The following EDRF1 variants were observed in gnomAD, a reference collection of about 807,000 sequenced individuals.
EDRF1 encodes the protein erythroid differentiation regulatory factor 1.
Under a neutral mutation model 148.7 loss-of-function variants are expected in EDRF1, and 69 were observed. The ratio of observed to expected loss-of-function variants is 0.46; its 90% CI spans 0.38 to 0.57. The LOEUF (loss-of-function observed/expected upper bound fraction) is 0.57, where lower values mean the gene tolerates loss of function less well. Ranked by LOEUF, EDRF1 falls within the 20% of genes least tolerant of loss-of-function variation. EDRF1 has a pLI of 0.00. For missense variants in EDRF1, 1,118 were observed against 1,478.7 expected (o/e 0.76, Z 4.00); for synonymous variants, 515 against 532.8 (o/e 0.97, Z 0.46).
rs976118780 is a variant in EDRF1 at position 125,749,416 on chromosome 10, G to A, written c.3128G>A (p.Gly1043Asp). 3.1e-6 allele frequency: 5 copies of A among 1,614,184 alleles called. No individual in the cohort carries two copies. Among genetic ancestry groups the A allele is most frequent in the Non-Finnish European group, 4.2e-6 (5 of 1,180,028 alleles). ...MYHSCLRNQVGDEHLRKQHRV... is the reference protein window; with the variant it reads ...MYHSCLRNQVDDEHLRKQHRV... ...CTTGTTTTGGTTTGGTTCTAGGTTG[G>A]TGATGAACACCTTAGGAAACAACAC... is the stretch of plus-strand genomic sequence containing the variant. Residue 1043 changes from glycine (G) to aspartate (D), a missense_variant, in exon 22 of 25, where the codon GGT becomes GAT. This residue lies in a region of EDRF1 where 954 missense variants were observed against 1,241.4 expected (regional missense o/e 0.77). Transcript: ENST00000356792.
At position 125,719,761 on chromosome 10, in the gene EDRF1, G is replaced by T; in HGVS notation, c.-47G>T. On this transcript the variant is annotated 5_prime_UTR_variant, in exon 1 of 25. Coordinates refer to ENST00000356792, the MANE Select transcript of EDRF1 (RefSeq NM_001202438.2). Reference sequence around the variant, plus strand: ...CCTGCTTTGGGCCTGCGTTGCTGCTGCTGCTCCTCCGCTCCCCCGTCGTAT... The same window carrying T: ...CCTGCTTTGGGCCTGCGTTGCTGCTTCTGCTCCTCCGCTCCCCCGTCGTAT... 1 of 1,513,662 alleles carries T rather than the reference G, an allele frequency of 6.6e-7. No individual in the cohort carries two copies. Among genetic ancestry groups the T allele is most frequent in the Non-Finnish European group, 9.0e-7 (1 of 1,107,240 alleles). The allele number at this position is 1,513,662 out of a possible 1,614,324, so 93.8% of individuals were successfully genotyped here. A position where few individuals can be genotyped will look rare whatever the true frequency, so the allele number is the denominator to read the frequency against.
In EDRF1 at chr10:125,749,487, C is replaced by G. The variant is rs749051384; in HGVS notation, c.3199C>G (p.Gln1067Glu). ...TTACAGCAAGGCCGCAAAGCTGTTT[C>G]AGCTGCTGAAAGATGCTCCCTGCGA... is the stretch of plus-strand genomic sequence containing the variant. ...LHYSKAAKLF[Q>E]LLKDAPCELL... is the part of the protein sequence containing the mutation. Residue 1067 changes from glutamine to glutamate, a missense_variant, in exon 22 of 25, where the codon CAG becomes GAG. Physicochemically the swap from Gln to Glu is conservative, Grantham distance 29 (BLOSUM62 2). Around this residue, in one of 3 missense-constraint regions of EDRF1, gnomAD observed 954 missense variants for 1,241.4 expected, o/e 0.77. Transcript: ENST00000356792. 6 of 1,614,180 alleles carry G rather than the reference C, an allele frequency of 3.7e-6. No homozygotes were observed. The highest frequency in any genetic ancestry group is 5.1e-6 in the Non-Finnish European group (6 of 1,180,034).
chr10:125,743,690 A>G (rs10901421), intron 18 of EDRF1, among the ~76,000 whole-genome samples: 94,585 of 152,036 alleles, frequency 0.62, 32,192 homozygotes, highest in East Asian at 0.79. Context: ...TATGGAGGTT[A>G]TAAGTTAGAA....
At chr10:125,720,478 T>G (rs1847929298) in intron 1 of EDRF1, among the ~76,000 whole-genome samples, 1 of 152,218 alleles carries the variant, frequency 6.6e-6, no homozygotes, top group African/African-American at 2.4e-5. Flanking sequence ...CCAAATGTTC[T>G]ACCAGACTAT....
In EDRF1 at chr10:125,729,384, T is replaced by C. The variant is rs1564734255; in HGVS notation, c.921T>C (p.Asn307=). ...GTCTTAAAAATGATTTTGTTCGGAA[T>C]ATTCTATGGACATTTGAAGATATCC... The part of the protein sequence containing the change: ...SQGLKNDFVR[N]ILWTFEDIHM... The change falls in exon 8 of 25, where the codon AAT becomes AAC. Residue 307 remains asparagine (N), a synonymous_variant. Coordinates refer to ENST00000356792, the MANE Select transcript of EDRF1 (RefSeq NM_001202438.2). 6.2e-7 allele frequency: 1 copy of C among 1,613,524 alleles called. No homozygotes were observed. Among genetic ancestry groups the C allele is most frequent in the Admixed American group, 1.7e-5 (1 of 60,008 alleles).
intron 15 of EDRF1, among the ~76,000 whole-genome samples, chr10:125,739,020 A>G (rs1021242265): frequency 6.6e-6 from 1 of 152,176 alleles, no homozygotes; most frequent in African/African-American, 2.4e-5. Context: ...TGAAGAATAT[A>G]TGGACTTCGA....
chr10:125,740,438 CT>C (rs761068303), intron 15 of EDRF1, 24 bp from the exon 16 acceptor site: 34 of 1,596,364 alleles, frequency 2.1e-5, no homozygotes, highest in Non-Finnish European at 2.5e-5. Flanking sequence ...AATGTGCTGT[CT>C]TTTTTTTTCT....
At chr10:125,722,290 A>G (rs1848045306) in intron 2 of EDRF1, among the ~76,000 whole-genome samples, 1 of 152,250 alleles carries the variant, frequency 6.6e-6, no homozygotes, top group Non-Finnish European at 1.5e-5. Flanking sequence ...AAGTATTTAT[A>G]TGCTTATCTC....
intron 24 of EDRF1, among the ~76,000 whole-genome samples, chr10:125,754,596 C>T (rs898033702): frequency 3.3e-5 from 5 of 152,214 alleles, no homozygotes; most frequent in Admixed American, 3.3e-4. Context: ...CACACCTCCG[C>T]AGAAATGTTC....
At chr10:125,745,010 A>T (rs1849268005) in intron 18 of EDRF1, 1 of 153,350 alleles carries the variant, frequency 6.5e-6, no homozygotes, top group Non-Finnish European at 1.5e-5. Flanking sequence ...GGTTACTTGT[A>T]CAAAAGCACA....
chr10:125,740,406 C>T, intron 15 of EDRF1, 57 bp from the exon 16 acceptor site: 1 of 1,559,630 alleles, frequency 6.4e-7, no homozygotes, highest in Middle Eastern at 1.7e-4. Context: ...ATTTTTTGTG[C>T]ATGAGACTTA....
In EDRF1 at chr10:125,749,563, C is replaced by T. The variant is rs377440456; in HGVS notation, c.3275C>T (p.Thr1092Ile). 1.2e-6 allele frequency: 2 copies of T among 1,613,938 alleles called. No individual in the cohort carries two copies. Among genetic ancestry groups the T allele is most frequent in the Non-Finnish European group, 1.7e-6 (2 of 1,180,006 alleles). ...ERVAFAEFQMTSQNSNVGKLK... is the reference protein window; with the variant it reads ...ERVAFAEFQMISQNSNVGKLK... ...GTAGCATTTGCTGAATTTCAGATGA[C>T]CAGTAAGTCTTAATTTTCATTTCTC... is the stretch of plus-strand genomic sequence containing the variant. Residue 1092 changes from threonine to isoleucine, a missense_variant and splice_region_variant, in exon 22 of 25, where the codon ACC (threonine) becomes ATC (isoleucine). Physicochemically the swap from Thr to Ile is moderately conservative, Grantham distance 89. This residue lies in a region of EDRF1 where 954 missense variants were observed against 1,241.4 expected (regional missense o/e 0.77). Transcript: ENST00000356792.
At chr10:125,756,600 GT>G (rs1849909871) in intron 24 of EDRF1, among the ~76,000 whole-genome samples, 1 of 152,116 alleles carries the variant, frequency 6.6e-6, no homozygotes, top group Admixed American at 6.5e-5. Context: ...TGTTTCATGT[GT>G]TTTTGAAGCT....
intron 2 of EDRF1, among the ~76,000 whole-genome samples, chr10:125,721,671 TTCAA>T (rs1216600692): frequency 1.3e-5 from 2 of 152,266 alleles, no homozygotes; most frequent in East Asian, 3.8e-4. Flanking sequence ...ACTGCCAAAG[TTCAA>T]TCAGCCCTTT....
Position 125,740,980 on chromosome 10 carries a change from CT to C in EDRF1, c.2171-19del, listed in dbSNP as rs1246689870. 6.2e-7 allele frequency: 1 copy of C among 1,609,254 alleles called. No individual in the cohort carries two copies. The highest frequency in any genetic ancestry group is 8.5e-7 in the Non-Finnish European group (1 of 1,176,438). ...TTTTTCTGCATTTGTGTTTTTTCTT[CT>C]TCCCTCCCTTTCTAAACAGATACTT... On this transcript the variant is annotated intron_variant, in intron 16 of 24. Transcript: ENST00000356792.
chr10:125,754,000 G>C (rs1849768424), intron 24 of EDRF1, among the ~76,000 whole-genome samples, 155 bp downstream of exon 24: 2 of 152,132 alleles, frequency 1.3e-5, no homozygotes, highest in Non-Finnish European at 2.9e-5. Flanking sequence ...CAGATCACTT[G>C]AGTTCAGGAG....
chr10:125,729,570 C>A, intron 8 of EDRF1, 91 bp downstream of exon 8: 1 of 1,505,722 alleles, frequency 6.6e-7, no homozygotes, highest in Non-Finnish European at 9.2e-7. Context: ...TGCAGTGAGC[C>A]AAGATCATGC....
At chr10:125,757,062 C>T in intron 24 of EDRF1, 2 of 432,968 alleles carry the variant, frequency 4.6e-6, no homozygotes, top group South Asian at 1.7e-5. Context: ...GTCCACCTTC[C>T]CCAGACTCCC....
intron 17 of EDRF1, 99 bp from the exon 18 acceptor site, chr10:125,742,959 A>AT: frequency 3.9e-6 from 6 of 1,534,434 alleles, no homozygotes; most frequent in Middle Eastern, 2.3e-4. Flanking sequence ...ACTATATTGC[A>AT]TTTTTTATTA....
Sources: gnomAD v4.1 joint callset for allele counts (sites outside exome capture counted in the v4.1 genomes callset) on GRCh38, gnomAD v4.1.1 for gene constraint, gnomAD v4.1.1 regional missense constraint, MANE v1.5 for transcripts, NCBI Gene and HGNC (gene_info 2026-07-23, HGNC 2026-07-21) for gene names.